SPICE1: variants seen among roughly 807,000 people sequenced by gnomAD.
The protein encoded by SPICE1 is spindle and centriole-associated protein 1.
Under a neutral mutation model 102.7 loss-of-function variants are expected in SPICE1, and 75 were observed. The ratio of observed to expected loss-of-function variants is 0.73; its 90% CI spans 0.61 to 0.88. The LOEUF is 0.88. Ranked by LOEUF, SPICE1 falls within the 40% of genes least tolerant of loss-of-function variation. SPICE1 has a pLI of 0.00. For synonymous variants in SPICE1, 308 were observed against 350.3 expected (o/e 0.88, Z 1.35); for missense variants, 979 against 1,020.1 (o/e 0.96, Z 0.55).
At chr3:113,502,377 G>C (rs1158024375) in intron 3 of SPICE1, among the ~76,000 whole-genome samples, 1 of 152,108 alleles carries the variant, frequency 6.6e-6, no homozygotes, top group African/African-American at 2.4e-5. Context: ...CTAAGACAAA[G>C]AAGCTAGACA....
Position 113,459,940 on chromosome 3 carries a change from G to C in SPICE1, c.1435+677C>G, listed in dbSNP as rs368406548. The C allele has an allele frequency of 2.4e-4, 239 of 983,380 alleles. No homozygotes were observed. The African/African-American group carries it at 3.8e-3, about 16-fold the overall frequency. 60.9% of individuals were successfully genotyped at this position (983,380 alleles called of 1,614,324 possible). The stretch of plus-strand genomic sequence containing the variant: ...CACCAGAAGACAGAGATGTGCCCTA[G>C]CCAATGAGTTTACCTCATGCAAGTT... On this transcript the variant is annotated intron_variant, in intron 12 of 17. Transcript: ENST00000295872.
chr3:113,468,659 C>G (rs1261210748), intron 9 of SPICE1, 103 bp downstream of exon 9: 4 of 1,338,650 alleles, frequency 3.0e-6, no homozygotes, highest in East Asian at 4.7e-5. Context: ...TCAGTTGGAA[C>G]CATGTGGATG....
At chr3:113,511,259 C>CAT (rs143007892) in intron 1 of SPICE1, among the ~76,000 whole-genome samples, 1,895 of 152,270 alleles carry the variant, frequency 0.012, 34 homozygotes, top group African/African-American at 0.035. Context: ...CACATTTCTG[C>CAT]ATATATACCC....
intron 12 of SPICE1, 89 bp from the exon 13 acceptor site, chr3:113,457,446 A>T: frequency 7.6e-7 from 1 of 1,313,798 alleles, no homozygotes; most frequent in Non-Finnish European, 1.1e-6. Flanking sequence ...GCATCTCAGT[A>T]GAGTGCAAAA....
intron 11 of SPICE1, among the ~76,000 whole-genome samples, chr3:113,462,639 TA>T (rs1460804254): frequency 3.9e-5 from 6 of 152,148 alleles, no homozygotes; most frequent in African/African-American, 1.4e-4. Flanking sequence ...TAAGAGAAAG[TA>T]TTACTTTTTC....
intron 10 of SPICE1, among the ~76,000 whole-genome samples, chr3:113,467,002 T>A (rs1214443099): frequency 1.3e-5 from 2 of 151,866 alleles, no homozygotes; most frequent in Non-Finnish European, 2.9e-5. Flanking sequence ...TGAGCCGAGA[T>A]CATGCCACTA....
chr3:113,472,566 C>T (rs544698149), intron 7 of SPICE1, among the ~76,000 whole-genome samples: 3 of 152,238 alleles, frequency 2.0e-5, no homozygotes, highest in East Asian at 1.9e-4. Context: ...CTCACACGGC[C>T]GGGTATTCCT....
intron 7 of SPICE1, among the ~76,000 whole-genome samples, chr3:113,480,661 C>G (rs1936469389): frequency 6.6e-6 from 1 of 151,914 alleles, no homozygotes; most frequent in African/African-American, 2.4e-5. Context: ...ACACTTATTA[C>G]TGATTAAAAT....
chr3:113,473,245 A>T (rs911761138), intron 7 of SPICE1, among the ~76,000 whole-genome samples: 2 of 152,170 alleles, frequency 1.3e-5, no homozygotes, highest in Non-Finnish European at 2.9e-5. Flanking sequence ...AAAAAAGAAT[A>T]AAAAGAAACG....
At chr3:113,468,486 G>T in intron 9 of SPICE1, 82 bp from the exon 10 acceptor site, 1 of 1,459,704 alleles carries the variant, frequency 6.9e-7, no homozygotes, top group Admixed American at 2.0e-5. Flanking sequence ...TTTGACTATT[G>T]TTCACAATTT....
chr3:113,494,321 T>C (rs1936826540), intron 4 of SPICE1, among the ~76,000 whole-genome samples, 179 bp from the exon 5 acceptor site: 1 of 152,194 alleles, frequency 6.6e-6, no homozygotes, highest in African/African-American at 2.4e-5. Flanking sequence ...AATTAGTGGC[T>C]TTCCAATACC....
At chr3:113,513,579 C>T (rs1937261141) in intron 1 of SPICE1, among the ~76,000 whole-genome samples, 1 of 152,146 alleles carries the variant, frequency 6.6e-6, no homozygotes. Context: ...TAAATATGTT[C>T]AATTAAGCTG....
intron 2 of SPICE1, among the ~76,000 whole-genome samples, chr3:113,503,819 G>A (rs1052218466): frequency 1.3e-5 from 2 of 151,574 alleles, no homozygotes; most frequent in Admixed American, 6.6e-5. Flanking sequence ...TGTAATTCCA[G>A]CTACTCAGGA....
chr3:113,481,688 T>C (rs1265657933), intron 7 of SPICE1, among the ~76,000 whole-genome samples: 2 of 152,030 alleles, frequency 1.3e-5, no homozygotes, highest in East Asian at 3.9e-4. Context: ...TGTTCTTATG[T>C]TAGTTTGCTG....
In SPICE1 at chr3:113,453,331, G is replaced by A. The variant is rs377406388; in HGVS notation, c.2142+135C>T. On this transcript the variant is annotated intron_variant, in intron 14 of 17. Transcript: ENST00000295872. ...AATAACTTGGACCTATTGTATTGAGGACATGCCAAACATAAGCCATCTAGC... is the reference window on the plus strand; with the variant it reads ...AATAACTTGGACCTATTGTATTGAGAACATGCCAAACATAAGCCATCTAGC... 20 of 987,094 alleles carry A rather than the reference G, an allele frequency of 2.0e-5. No individual in the cohort carries two copies. The African/African-American group carries it at 3.2e-4, about 16-fold the overall frequency. The allele number at this position is 987,094 out of a possible 1,614,324, so 61.1% of individuals were successfully genotyped here.
In SPICE1 at chr3:113,450,525, G is replaced by GAA. The variant is rs397874895; in HGVS notation, c.2143-11_2143-10dup. The GAA allele has an allele frequency of 6.0e-4, 730 of 1,219,688 alleles. No homozygotes were observed. Among genetic ancestry groups the GAA allele is most frequent in the Middle Eastern group, 1.8e-3 (8 of 4,396 alleles). 75.6% of individuals were successfully genotyped at this position (1,219,688 alleles called of 1,614,324 possible). A position where few individuals can be genotyped will look rare whatever the true frequency, so the allele number is the denominator to read the frequency against. On this transcript the variant is annotated splice_polypyrimidine_tract_variant and intron_variant, in intron 14 of 17. Coordinates refer to ENST00000295872, the MANE Select transcript of SPICE1 (RefSeq NM_144718.4). ...TGTGCTACTGGAAAAGTCTTTGGGA[G>GAA]AAAAAAAAAAAAAGTACAAATTGAA...
chr3:113,470,231 G>A (rs1055330587), intron 7 of SPICE1, among the ~76,000 whole-genome samples: 21 of 152,198 alleles, frequency 1.4e-4, no homozygotes, highest in Admixed American at 9.8e-4. Flanking sequence ...AAGGAACCAG[G>A]ACTTGATGTT....
At chr3:113,474,264 C>A (rs552358130) in intron 7 of SPICE1, among the ~76,000 whole-genome samples, 82 of 152,180 alleles carry the variant, frequency 5.4e-4, no homozygotes, top group African/African-American at 1.9e-3. Context: ...GCACCCAATA[C>A]AGGAGCACCC....
At chr3:113,485,112 G>A (rs1035104619) in intron 7 of SPICE1, among the ~76,000 whole-genome samples, 1 of 151,680 alleles carries the variant, frequency 6.6e-6, no homozygotes, top group Admixed American at 6.6e-5. Context: ...AGGGTCCTGG[G>A]TTTCAAGCAC....
Sources: allele counts gnomAD v4.1 joint callset (sites outside exome capture counted in the v4.1 genomes callset), GRCh38; gene constraint gnomAD v4.1.1; transcripts MANE v1.5; gene names NCBI Gene and HGNC (gene_info 2026-07-23, HGNC 2026-07-21).